The following PRTG variants were observed in gnomAD, a reference collection of about 807,000 sequenced individuals.
PRTG encodes the protein protogenin, also known as immunoglobulin superfamily, DCC subclass, member 5.
Under a neutral mutation model 122.5 loss-of-function variants are expected in PRTG, and 67 were observed. That is an observed-to-expected ratio of 0.55 (90% CI 0.45 to 0.67). The LOEUF is 0.67. PRTG is among the 30% of genes least tolerant of loss of function. The pLI is 0.00. For missense variants in PRTG, 1,435 were observed against 1,415.4 expected, an observed-to-expected ratio of 1.01 and a Z score of -0.22; for synonymous variants, 554 against 501.1, an observed-to-expected ratio of 1.11 and a Z score of -1.41.
intron 1 of PRTG, among the ~76,000 whole-genome samples, chr15:55,741,797 G>A (rs542531009): frequency 6.6e-6 from 1 of 152,298 alleles, no homozygotes; most frequent in East Asian, 1.9e-4. Context: ...GGCGACGCGA[G>A]CCACCCTAAC....
At chr15:55,706,315 G>C (rs1330324278) in intron 2 of PRTG, among the ~76,000 whole-genome samples, 1 of 152,048 alleles carries the variant, frequency 6.6e-6, no homozygotes, top group Admixed American at 6.6e-5. Context: ...AGTGACACGT[G>C]ATAAAAGGTG....
In PRTG at chr15:55,743,059, C is replaced by G. The variant is rs62043907; in HGVS notation, c.-128G>C. The stretch of plus-strand genomic sequence containing the variant: ...CTGGCTCCCCGCTCCGGCTCCGGCA[C>G]CGGCGTGGCGAGCGTCTCTGCGGCG... On this transcript the variant is annotated 5_prime_UTR_variant, in exon 1 of 20. Transcript: ENST00000389286. 370,775 of 1,303,140 alleles carry G rather than the reference C, an allele frequency of 0.28. 53,018 individuals carry two copies. Among genetic ancestry groups the G allele is most frequent in the African/African-American group, 0.32 (20,924 of 64,394 alleles). The allele number at this position is 1,303,140 out of a possible 1,614,324, so 80.7% of individuals were successfully genotyped here.
intron 2 of PRTG, among the ~76,000 whole-genome samples, chr15:55,717,832 C>G (rs1360509099): frequency 1.3e-5 from 2 of 152,236 alleles, no homozygotes; most frequent in Non-Finnish European, 2.9e-5. Flanking sequence ...TCTTTTGGGA[C>G]TCAGCCCGCC....
At chr15:55,682,530 T>C (rs1441400903) in intron 3 of PRTG, 33 bp from the exon 4 acceptor site, 6 of 1,228,082 alleles carry the variant, frequency 4.9e-6, no homozygotes, top group Non-Finnish European at 5.4e-6. Flanking sequence ...AAACTTTTTG[T>C]AGTAGATTTC....
chr15:55,722,585 CAG>C (rs146008546), intron 2 of PRTG, among the ~76,000 whole-genome samples: 3,253 of 152,222 alleles, frequency 0.021, 114 homozygotes, highest in African/African-American at 0.072. Context: ...CAGAAATAAA[CAG>C]AGAGGTGAAG....
chr15:55,638,491 TA>T, intron 14 of PRTG, 57 bp downstream of exon 14: 1 of 1,383,144 alleles, frequency 7.2e-7, no homozygotes, highest in South Asian at 1.3e-5. Flanking sequence ...TACATATTTT[TA>T]AAACATTTCC....
At chr15:55,730,767 T>C (rs906442485) in intron 2 of PRTG, among the ~76,000 whole-genome samples, 9 of 152,116 alleles carry the variant, frequency 5.9e-5, no homozygotes, top group Admixed American at 1.3e-4. Flanking sequence ...GCCACTGCAC[T>C]CCAACCTGGG....
chr15:55,733,850 C>T (rs1270678327), intron 2 of PRTG, among the ~76,000 whole-genome samples: 1 of 152,088 alleles, frequency 6.6e-6, no homozygotes, highest in African/African-American at 2.4e-5. Context: ...ACAACAACAA[C>T]AACAACAAAA....
rs1416047656 is a variant in PRTG at position 55,642,594 on chromosome 15, T to C, written c.2042-1386A>G. 1.5e-4 allele frequency among the ~76,000 whole-genome samples: 11 copies of C among 72,518 alleles called. No individual in the cohort carries two copies. In the South Asian group the frequency reaches 5.8e-3, roughly 38 times the overall value. The allele number at this position is 72,518 out of a possible 152,430, so 47.6% of individuals were successfully genotyped here. The stretch of plus-strand genomic sequence containing the variant: ...GCCTGGGTAACAGAGCAAAACTCCA[T>C]CTCAAAAAAAAAAAAAAAAAAAGGA... On this transcript the variant is annotated intron_variant, in intron 11 of 19. Transcript: ENST00000389286.
chr15:55,647,993 A>T (rs1291295525), intron 11 of PRTG, among the ~76,000 whole-genome samples: 1 of 152,232 alleles, frequency 6.6e-6, no homozygotes, highest in Non-Finnish European at 1.5e-5. Flanking sequence ...TGCTTTGGCA[A>T]CCATGTCACA....
In PRTG at chr15:55,615,972, G is replaced by A. The variant is rs1322194882; in HGVS notation, c.*4040C>T. 1 of 152,030 alleles carries A rather than the reference G, an allele frequency of 6.6e-6. No individual in the cohort carries two copies. The allele number at this position is 152,030 out of a possible 1,614,324, so 9.4% of individuals were successfully genotyped here. ...ATTTCTGGCAGAAGTCCTTAACAAAGCCAAGACAAACTGATGCAAACCTCT... is the reference window on the plus strand; with the variant it reads ...ATTTCTGGCAGAAGTCCTTAACAAAACCAAGACAAACTGATGCAAACCTCT... On this transcript the variant is annotated 3_prime_UTR_variant, in exon 20 of 20. Coordinates refer to ENST00000389286, the MANE Select transcript of PRTG (RefSeq NM_173814.6).
At chr15:55,685,504 C>G (rs570155778) in intron 2 of PRTG, among the ~76,000 whole-genome samples, 6 of 152,052 alleles carry the variant, frequency 3.9e-5, no homozygotes, top group Non-Finnish European at 7.4e-5. Flanking sequence ...ACGGTGTTTT[C>G]CAGGAGTTAT....
At chr15:55,663,393 G>T (rs986457327) in intron 11 of PRTG, among the ~76,000 whole-genome samples, 1 of 151,990 alleles carries the variant, frequency 6.6e-6, no homozygotes, top group African/African-American at 2.4e-5. Context: ...CCTATTTAAC[G>T]CATGTATAGA....
chr15:55,647,375 A>C (rs1225796827), intron 11 of PRTG, among the ~76,000 whole-genome samples: 1 of 152,216 alleles, frequency 6.6e-6, no homozygotes, highest in East Asian at 1.9e-4. Context: ...ACCAAAAGTC[A>C]GGCACTGCAT....
intron 11 of PRTG, among the ~76,000 whole-genome samples, chr15:55,671,755 C>T (rs550067194): frequency 4.6e-5 from 7 of 152,306 alleles, no homozygotes; most frequent in African/African-American, 9.6e-5. Flanking sequence ...CCCGCGTTGG[C>T]CTCCCAAAGT....
chr15:55,627,091 C>A lies in PRTG; in HGVS notation c.2844G>T (p.Met948Ile). ...SGYYHLDQKSMTGIAVGVGIA... is the reference protein window; with the variant it reads ...SGYYHLDQKSITGIAVGVGIA... ...TGCCAACACCTACAGCAATGCCAGT[C>A]ATTGATTTTTGGTCCAGATGGTAAT... The change falls in exon 17 of 20, where the codon ATG becomes ATT. Residue 948 changes from methionine (M) to isoleucine (I), a missense_variant. Met to Ile is a conservative substitution (Grantham distance 10). Coordinates refer to ENST00000389286, the MANE Select transcript of PRTG (RefSeq NM_173814.6). The A allele has an allele frequency of 1.2e-6, 2 of 1,608,688 alleles. No homozygotes were observed. The highest frequency in any genetic ancestry group is 1.7e-6 in the Non-Finnish European group (2 of 1,175,724).
At chr15:55,621,952 G>T (rs544307536) in intron 18 of PRTG, among the ~76,000 whole-genome samples, 1 of 152,078 alleles carries the variant, frequency 6.6e-6, no homozygotes, top group East Asian at 1.9e-4. Context: ...AGCAGATGAG[G>T]ATAAACAAAC....
At chr15:55,681,968 CAAT>C (rs1459063785) in intron 4 of PRTG, among the ~76,000 whole-genome samples, 1 of 152,024 alleles carries the variant, frequency 6.6e-6, no homozygotes, top group Non-Finnish European at 1.5e-5. Context: ...TATAGTATAA[CAAT>C]GATTTACATA....
rs1462453024 is a variant in PRTG at position 55,618,295 on chromosome 15, G to A, written c.*1717C>T. 3 of 152,130 alleles carry A rather than the reference G, an allele frequency of 2.0e-5. No homozygotes were observed. Among genetic ancestry groups the A allele is most frequent in the Non-Finnish European group, 2.9e-5 (2 of 68,022 alleles). The allele number at this position is 152,130 out of a possible 1,614,324, so 9.4% of individuals were successfully genotyped here. ...GCAGATGATGCTGGGACTATTATCT[G>A]CTAATATTCCTTTGATTTTAGAACA... On this transcript the variant is annotated 3_prime_UTR_variant, in exon 20 of 20. Transcript: ENST00000389286.
Sources: gnomAD v4.1 joint callset for allele counts (sites outside exome capture counted in the v4.1 genomes callset) on GRCh38, gnomAD v4.1.1 for gene constraint, MANE v1.5 for transcripts, NCBI Gene and HGNC (gene_info 2026-07-23, HGNC 2026-07-21) for gene names.